NSD3: variants seen among roughly 807,000 people sequenced by gnomAD.
The protein encoded by NSD3 is nuclear receptor binding SET domain protein 3, also known as histone-lysine N-methyltransferase NSD3.
NSD3 carries 24 observed loss-of-function variants against 160.8 expected under a neutral mutation model. The ratio of observed to expected loss-of-function variants is 0.15; its 90% CI spans 0.11 to 0.21. NSD3 has a LOEUF of 0.21. NSD3 is among the 10% of genes least tolerant of loss of function. NSD3 has a pLI of 1.00. For synonymous variants in NSD3, 520 were observed against 600.0 expected (o/e 0.87, Z 1.95); for missense variants, 1,157 against 1,735.9 (o/e 0.67, Z 5.93).
intron 19 of NSD3, among the ~76,000 whole-genome samples, chr8:38,287,120 C>T (rs902849874): frequency 5.3e-5 from 8 of 152,202 alleles, no homozygotes; most frequent in Admixed American, 6.5e-5. Flanking sequence ...TACCGAATAA[C>T]TGAATTTCAC....
chr8:38,345,581 TA>T (rs1563362952), intron 2 of NSD3, among the ~76,000 whole-genome samples: 1 of 152,064 alleles, frequency 6.6e-6, no homozygotes, highest in African/African-American at 2.4e-5. Context: ...CATGATTCAA[TA>T]AAAGGGAAAA....
intron 16 of NSD3, among the ~76,000 whole-genome samples, chr8:38,292,826 G>T (rs1251929716): frequency 6.6e-6 from 1 of 151,796 alleles, no homozygotes; most frequent in African/African-American, 2.4e-5. Context: ...ACAAAGATTA[G>T]CCAGGCATCA....
chr8:38,339,738 A>C (rs1026587461), intron 2 of NSD3, among the ~76,000 whole-genome samples: 23 of 151,776 alleles, frequency 1.5e-4, no homozygotes, highest in Admixed American at 4.6e-4. Flanking sequence ...AAAAAAAAAA[A>C]GGAAAGAAAG....
chr8:38,288,723 C>T lies in NSD3; in HGVS notation c.3265G>A (p.Val1089Ile), dbSNP rs1406001597. The T allele has an allele frequency of 1.8e-5, 29 of 1,614,192 alleles. No individual in the cohort carries two copies. Among genetic ancestry groups the T allele is most frequent in the Middle Eastern group, 1.6e-4 (1 of 6,062 alleles). The change falls in exon 19 of 24, where the codon GTT (valine) becomes ATT (isoleucine). Residue 1089 changes from valine to isoleucine, a missense_variant. By Grantham distance (29) the Val-to-Ile change is conservative. Coordinates refer to ENST00000317025, the MANE Select transcript of NSD3 (RefSeq NM_023034.2). This position sits in a 1 kb window ranked among gnomAD's most constrained non-coding sequence, Gnocchi z 4.5. ...CGGGGAATCTCTGACAGGTCAGCAACCTGGATCTGCACCTTTCCTATTACT... is the reference window on the plus strand; with the variant it reads ...CGGGGAATCTCTGACAGGTCAGCAATCTGGATCTGCACCTTTCCTATTACT... Reference protein sequence around the residue: ...NKVIGKVQIQVADLSEIPRCN... With the variant: ...NKVIGKVQIQIADLSEIPRCN...
intron 15 of NSD3, among the ~76,000 whole-genome samples, chr8:38,298,575 T>C (rs956887359): frequency 2.0e-5 from 3 of 152,046 alleles, no homozygotes; most frequent in African/African-American, 7.2e-5. Context: ...GTATATTAGT[T>C]ATGAATGAAG....
intron 1 of NSD3, among the ~76,000 whole-genome samples, chr8:38,377,473 C>T (rs10098924): frequency 0.011 from 1,669 of 152,048 alleles, 35 homozygotes; most frequent in African/African-American, 0.037. Flanking sequence ...CTCAGCCTTC[C>T]GAGTAGCTGC....
At chr8:38,343,375 C>T (rs1810426745) in intron 2 of NSD3, among the ~76,000 whole-genome samples, 1 of 151,966 alleles carries the variant, frequency 6.6e-6, no homozygotes, top group Admixed American at 6.6e-5. Context: ...TTTTATTTTA[C>T]TTTCTGAATG....
chr8:38,294,862 G>C (rs1809094151), intron 16 of NSD3, among the ~76,000 whole-genome samples: 1 of 149,518 alleles, frequency 6.7e-6, no homozygotes, highest in Admixed American at 6.6e-5. Context: ...GTTTTTTTTT[G>C]GCCGGGCGTG....
chr8:38,288,845 C>T lies in NSD3; in HGVS notation c.3232-89G>A. On this transcript the variant is annotated intron_variant, in intron 18 of 23. Transcript: ENST00000317025. The surrounding 1 kb of genome is among the most constrained non-coding windows in gnomAD (Gnocchi z 4.5). ...AACATCTAAAACATCCACGCTACTG[C>T]CTCGTGGTGCTACTCCGAGAAAGGT... 2 of 1,489,672 alleles carry T rather than the reference C, an allele frequency of 1.3e-6. No individual in the cohort carries two copies. Among genetic ancestry groups the T allele is most frequent in the Non-Finnish European group, 1.8e-6 (2 of 1,096,506 alleles). 92.3% of individuals were successfully genotyped at this position (1,489,672 alleles called of 1,614,324 possible).
chr8:38,275,787 C>T lies in NSD3; in HGVS notation c.4168G>A (p.Glu1390Lys). Reference protein sequence around the residue: ...FCPHSFCKDHEKGALVPSALE... With the variant: ...FCPHSFCKDHKKGALVPSALE... ...GCAGAGGGAACCAGGGCCCCCTTTT[C>T]ATGATCTTTACAAAATGAATGTGGA... is the stretch of plus-strand genomic sequence containing the variant. Residue 1390 changes from glutamate (E) to lysine (K), a missense_variant, in exon 24 of 24, where the codon GAA (glutamate) becomes AAA (lysine). By Grantham distance (56) the Glu-to-Lys change is moderately conservative. Coordinates refer to ENST00000317025, the MANE Select transcript of NSD3 (RefSeq NM_023034.2). 1 of 1,614,178 alleles carries T rather than the reference C, an allele frequency of 6.2e-7. No individual in the cohort carries two copies. The highest frequency in any genetic ancestry group is 2.2e-5 in the East Asian group (1 of 44,880).
chr8:38,292,209 T>C (rs1809011953), intron 16 of NSD3, among the ~76,000 whole-genome samples: 1 of 152,232 alleles, frequency 6.6e-6, no homozygotes, highest in Non-Finnish European at 1.5e-5. Context: ...AAGATACATA[T>C]TTTTCAATTA....
At chr8:38,280,755 CTT>C (rs780082168) in intron 20 of NSD3, among the ~76,000 whole-genome samples, 53 of 138,434 alleles carry the variant, frequency 3.8e-4, no homozygotes, top group Admixed American at 2.9e-4. Context: ...TCATTATTTT[CTT>C]TTTTTTTTTT....
intron 1 of NSD3, among the ~76,000 whole-genome samples, chr8:38,367,764 A>G (rs943498822): frequency 1.3e-5 from 2 of 152,156 alleles, no homozygotes; most frequent in African/African-American, 4.8e-5. Flanking sequence ...TCACCTTAAC[A>G]TTATTTAAGA....
intron 1 of NSD3, among the ~76,000 whole-genome samples, chr8:38,378,825 C>CAAAAAAAAAAAAAAAAAAAAAAAAAAAA (rs201408423): frequency 1.1e-5 from 1 of 87,370 alleles, no homozygotes; most frequent in African/African-American, 4.3e-5. Context: ...CTCCATCTCT[C>CAAAAAAAAAAAAAAAAAAAAAAAAAAAA]AAAAAAAAAA....
At chr8:38,314,829 T>A in intron 11 of NSD3, 56 bp from the exon 12 acceptor site, 1 of 1,565,026 alleles carries the variant, frequency 6.4e-7, no homozygotes, top group Non-Finnish European at 8.7e-7. Flanking sequence ...CAAGACCACA[T>A]GGGCGGCTTG....
chr8:38,328,222 A>T (rs1369113858), intron 6 of NSD3, among the ~76,000 whole-genome samples: 1 of 152,164 alleles, frequency 6.6e-6, no homozygotes. Flanking sequence ...ATATACATGC[A>T]TATATTTTTA....
At position 38,314,636 on chromosome 8, in the gene NSD3, A is replaced by C. The variant is rs748164132; in HGVS notation, c.2242+11T>G. On this transcript the variant is annotated intron_variant, in intron 12 of 23. Transcript: ENST00000317025. ...TCATCTTTTCATGACTATCGAAATA[A>C]GTCATCTTACCAGTTTTACATTCCA... The C allele has an allele frequency of 2.1e-5, 34 of 1,613,972 alleles. No individual in the cohort carries two copies. The South Asian group carries it at 3.7e-4, about 18-fold the overall frequency.
At chr8:38,333,416 T>C (rs55634742) in intron 4 of NSD3, among the ~76,000 whole-genome samples, 28,328 of 152,186 alleles carry the variant, frequency 0.19, 3,020 homozygotes, top group East Asian at 0.31. Context: ...TGTCTCTGAC[T>C]GAAGAGCTAA....
chr8:38,287,319 C>T (rs922950431), intron 19 of NSD3, among the ~76,000 whole-genome samples: 3 of 152,038 alleles, frequency 2.0e-5, no homozygotes, highest in African/African-American at 7.2e-5. Flanking sequence ...TTTACTATGA[C>T]TAAAATAAGA....
Sources: allele counts gnomAD v4.1 joint callset (sites outside exome capture counted in the v4.1 genomes callset), GRCh38; gene constraint gnomAD v4.1.1; non-coding constraint Gnocchi (gnomAD v3.1); transcripts MANE v1.5; gene names NCBI Gene and HGNC (gene_info 2026-07-23, HGNC 2026-07-21).